AKAP7: variants seen among roughly 807,000 people sequenced by gnomAD.
AKAP7 encodes the protein A kinase (PRKA) anchor protein 7.
Under a neutral mutation model 39.5 loss-of-function variants are expected in AKAP7, and 39 were observed. That is an observed-to-expected ratio of 0.99 (90% CI 0.76 to 1.29). The LOEUF (loss-of-function observed/expected upper bound fraction) is 1.29, where lower values mean the gene tolerates loss of function less well. AKAP7 is among the 50% of genes most tolerant of loss of function. The pLI is 0.00. For missense variants in AKAP7, 414 were observed against 407.7 expected (o/e 1.02, Z -0.13); for synonymous variants, 140 against 139.1 (o/e 1.01, Z -0.05).
chr6:131,161,236 T>C (rs1802912948), intron 3 of AKAP7, among the ~76,000 whole-genome samples: 1 of 152,166 alleles, frequency 6.6e-6, no homozygotes, highest in African/African-American at 2.4e-5. Flanking sequence ...AAGATATACA[T>C]AACAAGAGAA....
At chr6:131,156,112 G>A (rs1802393923) in intron 2 of AKAP7, among the ~76,000 whole-genome samples, 1 of 152,100 alleles carries the variant, frequency 6.6e-6, no homozygotes, top group South Asian at 2.1e-4. Flanking sequence ...CTCAACTGCT[G>A]TTTTCCCTTC....
intron 1 of AKAP7, chr6:131,137,579 TCAC>T (rs963203345): frequency 6.6e-6 from 1 of 152,172 alleles, no homozygotes; most frequent in African/African-American, 2.4e-5. Flanking sequence ...AGATGGGGTT[TCAC>T]CGTGTTAGTG....
In AKAP7 at chr6:131,160,048, T is replaced by G. The variant is rs1201054323; in HGVS notation, c.152-11T>G. The G allele has an allele frequency of 6.4e-7, 1 of 1,571,124 alleles. No homozygotes were observed. The highest frequency in any genetic ancestry group is 2.1e-5 in the Admixed American group (1 of 46,600). On this transcript the variant is annotated splice_polypyrimidine_tract_variant and intron_variant, in intron 2 of 7. Transcript: ENST00000431975. ...ATGTATTAGACGTATTGTTTGACTTTTTTCCTCTAGTCACTGATGAACCTC... is the reference window on the plus strand; with the variant it reads ...ATGTATTAGACGTATTGTTTGACTTGTTTCCTCTAGTCACTGATGAACCTC...
Position 131,283,125 on chromosome 6 carries a change from A to G in AKAP7, c.*1399A>G, listed in dbSNP as rs946832127. 6.5e-6 allele frequency: 1 copy of G among 152,848 alleles called. No homozygotes were observed. Among genetic ancestry groups the G allele is most frequent in the African/African-American group, 2.4e-5 (1 of 41,462 alleles). 9.5% of individuals were successfully genotyped at this position (152,848 alleles called of 1,614,324 possible). Reference sequence around the variant, plus strand: ...TGCGATCACTGGTTAAGAATGTTTTATATATCCTTATAATATTTTTCACTG... The same window carrying G: ...TGCGATCACTGGTTAAGAATGTTTTGTATATCCTTATAATATTTTTCACTG... On this transcript the variant is annotated 3_prime_UTR_variant, in exon 8 of 8. Transcript: ENST00000431975.
At chr6:131,192,623 G>T (rs952379963) in intron 5 of AKAP7, among the ~76,000 whole-genome samples, 1 of 152,172 alleles carries the variant, frequency 6.6e-6, no homozygotes, top group Admixed American at 6.6e-5. Context: ...TGTGAAGAAT[G>T]TCGTTGGAAT....
chr6:131,263,988 T>C (rs1231951581), intron 7 of AKAP7, among the ~76,000 whole-genome samples: 1 of 152,128 alleles, frequency 6.6e-6, no homozygotes. Context: ...AATCTGTTTT[T>C]CCCCCCATTC....
At position 131,281,346 on chromosome 6, in the gene AKAP7, C is replaced by T. The variant is rs974778451; in HGVS notation, c.851-184C>T. 6.6e-6 allele frequency among the ~76,000 whole-genome samples: 1 copy of T among 152,172 alleles called. No individual in the cohort carries two copies. The highest frequency in any genetic ancestry group is 1.5e-5 in the Non-Finnish European group (1 of 68,026). The stretch of plus-strand genomic sequence containing the variant: ...TAATGAACTACTTTTCAATCTGAAG[C>T]CTTCAGGAATAGACAGGCTCCTGCT... On this transcript the variant is annotated intron_variant, in intron 7 of 7. Coordinates refer to ENST00000431975, the MANE Select transcript of AKAP7 (RefSeq NM_016377.4). This position sits in a 1 kb window ranked among gnomAD's most constrained non-coding sequence, Gnocchi z 4.0.
chr6:131,247,007 G>A (rs1347972794), intron 7 of AKAP7, among the ~76,000 whole-genome samples: 2 of 151,888 alleles, frequency 1.3e-5, no homozygotes, highest in African/African-American at 2.4e-5. Flanking sequence ...CTGAGCTTAC[G>A]TTTTTCACCT....
chr6:131,258,213 C>T (rs182383327), intron 7 of AKAP7, among the ~76,000 whole-genome samples: 1 of 152,240 alleles, frequency 6.6e-6, no homozygotes, highest in East Asian at 1.9e-4. Flanking sequence ...AAACTCTGAG[C>T]CAGGTGTTCT....
chr6:131,244,813 G>A (rs1360284249), intron 7 of AKAP7, among the ~76,000 whole-genome samples: 1 of 151,782 alleles, frequency 6.6e-6, no homozygotes, highest in Non-Finnish European at 1.5e-5. Context: ...GGCATCTTAT[G>A]CTTTTATGGC....
chr6:131,144,398 GAATTAA>G (rs1801312266), intron 1 of AKAP7, among the ~76,000 whole-genome samples: 1 of 152,190 alleles, frequency 6.6e-6, no homozygotes, highest in African/African-American at 2.4e-5. Flanking sequence ...ACAAGAGAAT[GAATTAA>G]AGGACTTCTT....
chr6:131,224,928 A>T (rs1321942430), intron 7 of AKAP7, among the ~76,000 whole-genome samples: 8 of 149,622 alleles, frequency 5.3e-5, no homozygotes. Flanking sequence ...TTTTTTTTTT[A>T]ATATTTTTAG....
chr6:131,151,092 G>C (rs1252866356), intron 2 of AKAP7, among the ~76,000 whole-genome samples: 2 of 151,908 alleles, frequency 1.3e-5, no homozygotes, highest in Admixed American at 6.6e-5. Context: ...ACCCAGGCTG[G>C]AGTGTAGTGG....
At chr6:131,168,229 TA>T (rs1386858240) in intron 4 of AKAP7, among the ~76,000 whole-genome samples, 4 of 151,838 alleles carry the variant, frequency 2.6e-5, no homozygotes, top group African/African-American at 9.7e-5. Context: ...TTTCACAGCA[TA>T]GGGGGACCTC....
At chr6:131,141,899 C>CTTTTTTTTTTTTT (rs773131426) in intron 1 of AKAP7, among the ~76,000 whole-genome samples, 6 of 116,222 alleles carry the variant, frequency 5.2e-5, no homozygotes, top group South Asian at 2.8e-4. Context: ...TTCTTTCTTT[C>CTTTTTTTTTTTTT]TTTTTTTTTT....
At chr6:131,136,975 T>G in intron 1 of AKAP7, 1 of 649,694 alleles carries the variant, frequency 1.5e-6, no homozygotes, top group Non-Finnish European at 1.9e-6. Flanking sequence ...TATATATGTA[T>G]TTAGAGACAG....
At chr6:131,257,596 T>G (rs1386602950) in intron 7 of AKAP7, among the ~76,000 whole-genome samples, 1 of 152,104 alleles carries the variant, frequency 6.6e-6, no homozygotes, top group Non-Finnish European at 1.5e-5. Flanking sequence ...GAGAGACATG[T>G]GGTCCTAGCA....
intron 6 of AKAP7, among the ~76,000 whole-genome samples, chr6:131,209,827 A>G (rs527703839): frequency 1.3e-5 from 2 of 152,228 alleles, no homozygotes; most frequent in Non-Finnish European, 2.9e-5. Context: ...GCAACTGGCA[A>G]GTCCCACAGT....
At chr6:131,181,384 A>C (rs969306487) in intron 5 of AKAP7, among the ~76,000 whole-genome samples, 1 of 152,124 alleles carries the variant, frequency 6.6e-6, no homozygotes, top group Non-Finnish European at 1.5e-5. Context: ...TCTGTCTTAA[A>C]TATCACTCCC....
Sources: gnomAD v4.1 joint callset for allele counts (sites outside exome capture counted in the v4.1 genomes callset) on GRCh38, gnomAD v4.1.1 for gene constraint, Gnocchi (gnomAD v3.1) non-coding constraint, MANE v1.5 for transcripts, NCBI Gene and HGNC (gene_info 2026-07-23, HGNC 2026-07-21) for gene names.